Variants in NAV1 observed in about 807,000 individuals in gnomAD.
The protein encoded by NAV1 is neuron navigator 1, also known as pore membrane and/or filament interacting like protein 3.
In NAV1, 18 loss-of-function variants were observed where a neutral mutation model predicts 175.2. The ratio of observed to expected loss-of-function variants is 0.10; its 90% CI spans 0.07 to 0.15. The LOEUF is 0.15. NAV1 is among the 10% of genes least tolerant of loss of function. NAV1 has a pLI of 1.00. For missense variants in NAV1, 1,731 were observed against 2,436.6 expected (o/e 0.71, Z 6.10); for synonymous variants, 897 against 978.7 (o/e 0.92, Z 1.56).
chr1:201,580,336 C>T (rs1290586469), intron 1 of NAV1, among the ~76,000 whole-genome samples: 1 of 152,214 alleles, frequency 6.6e-6, no homozygotes, highest in Non-Finnish European at 1.5e-5. Flanking sequence ...CTAAAATTAA[C>T]AATCACAGTA....
chr1:201,617,451 G>A (rs920177008), intron 2 of NAV1, among the ~76,000 whole-genome samples: 15 of 152,122 alleles, frequency 9.9e-5, no homozygotes, highest in African/African-American at 2.9e-4. Flanking sequence ...AGCTGGGCAC[G>A]GGAGCTCATG....
At chr1:201,633,990 T>TA (rs1558028002) in intron 2 of NAV1, among the ~76,000 whole-genome samples, 1 of 152,176 alleles carries the variant, frequency 6.6e-6, no homozygotes, top group Non-Finnish European at 1.5e-5. Context: ...AGCCGACACT[T>TA]ACCGTGGCTT....
intron 3 of NAV1, among the ~76,000 whole-genome samples, chr1:201,769,071 A>T (rs1675395999): frequency 6.6e-6 from 1 of 152,204 alleles, no homozygotes; most frequent in Non-Finnish European, 1.5e-5. Flanking sequence ...ACTTGGACTG[A>T]TTCCACTTCC....
chr1:201,581,662 G>A (rs1356023754), intron 1 of NAV1, among the ~76,000 whole-genome samples: 3 of 151,796 alleles, frequency 2.0e-5, no homozygotes, highest in Non-Finnish European at 2.9e-5. Flanking sequence ...AACCCTGTCT[G>A]TACTAAAAAT....
intron 3 of NAV1, among the ~76,000 whole-genome samples, chr1:201,779,533 G>A (rs930197555): frequency 6.8e-6 from 1 of 147,106 alleles, no homozygotes; most frequent in Non-Finnish European, 1.5e-5. Flanking sequence ...GGGAGGCGGA[G>A]GTTGCAGGGA....
intron 2 of NAV1, among the ~76,000 whole-genome samples, chr1:201,607,627 G>A (rs1484620526): frequency 1.3e-5 from 2 of 151,296 alleles, no homozygotes; most frequent in Non-Finnish European, 2.9e-5. Flanking sequence ...CAGTAGCTGG[G>A]ATTAGAGGCA....
At chr1:201,665,590 A>ACCCCCCCCCCCCCC (rs3053790) in intron 1 of NAV1, among the ~76,000 whole-genome samples, 2 of 128,532 alleles carry the variant, frequency 1.6e-5, no homozygotes, top group African/African-American at 6.1e-5. Context: ...AGAGCACCCC[A>ACCCCCCCCCCCCCC]CCCCCCCCAC....
intron 2 of NAV1, among the ~76,000 whole-genome samples, chr1:201,591,590 T>A (rs899703780): frequency 6.6e-6 from 1 of 152,178 alleles, no homozygotes; most frequent in African/African-American, 2.4e-5. Flanking sequence ...TGTATGCAGA[T>A]GTATGCAAAT....
At chr1:201,572,530 G>A (rs1428815325) in intron 1 of NAV1, among the ~76,000 whole-genome samples, 11 of 151,700 alleles carry the variant, frequency 7.3e-5, no homozygotes, top group South Asian at 4.2e-4. Flanking sequence ...CACCATGCCC[G>A]GCTAATTTTT....
intron 1 of NAV1, among the ~76,000 whole-genome samples, chr1:201,545,175 C>A (rs1665631621): frequency 6.6e-6 from 1 of 151,820 alleles, no homozygotes; most frequent in Admixed American, 6.6e-5. Context: ...GTCCTAACCT[C>A]TTCCTTCTCC....
intron 1 of NAV1, among the ~76,000 whole-genome samples, chr1:201,709,581 AC>A (rs1184339450): frequency 6.6e-6 from 1 of 151,634 alleles, no homozygotes; most frequent in Non-Finnish European, 1.5e-5. Context: ...AGCCAGACTT[AC>A]CAGGGGCCCC....
intron 2 of NAV1, among the ~76,000 whole-genome samples, chr1:201,611,063 C>T (rs1032551027): frequency 6.6e-6 from 1 of 152,142 alleles, no homozygotes; most frequent in African/African-American, 2.4e-5. Context: ...GAGCCCCACC[C>T]CCTCTGCTAA....
In NAV1 at chr1:201,733,255, C is replaced by T. The variant is rs1336072135; in HGVS notation, c.1226+14500C>T. ...ATTAGCTGGGCATGGTGATGCGTGC[C>T]TGTAGTCCCAGCTACTTGGGAGGCT... On this transcript the variant is annotated intron_variant, in intron 3 of 29. Coordinates refer to ENST00000367296, the Ensembl canonical transcript of NAV1. Among the ~76,000 whole-genome samples the T allele has an allele frequency of 2.0e-5, 3 of 152,138 alleles. No individual in the cohort carries two copies. The East Asian group carries it at 5.8e-4, about 29-fold the overall frequency.
chr1:201,784,368 G>T (rs1408816856), intron 7 of NAV1, among the ~76,000 whole-genome samples: 3 of 152,078 alleles, frequency 2.0e-5, no homozygotes, highest in Admixed American at 6.5e-5. Flanking sequence ...ATGTTGGCCA[G>T]GCTGGTCTTG....
chr1:201,770,283 C>T (rs1675489612), intron 3 of NAV1, among the ~76,000 whole-genome samples: 1 of 152,356 alleles, frequency 6.6e-6, no homozygotes, highest in South Asian at 2.1e-4. Context: ...GGCCTCTCCA[C>T]AGTCCCTCTT....
chr1:201,609,301 A>C (rs1439197029), intron 2 of NAV1, among the ~76,000 whole-genome samples: 1 of 152,204 alleles, frequency 6.6e-6, no homozygotes, highest in Non-Finnish European at 1.5e-5. Flanking sequence ...ACCTCACAAC[A>C]TAGTCCCACT....
At chr1:201,689,698 C>T (rs1052965800) in intron 1 of NAV1, among the ~76,000 whole-genome samples, 14 of 152,310 alleles carry the variant, frequency 9.2e-5, no homozygotes, top group African/African-American at 2.9e-4. Flanking sequence ...CCCAAGACCA[C>T]GCTTCTGTTT....
intron 2 of NAV1, among the ~76,000 whole-genome samples, chr1:201,613,626 G>T (rs1419662790): frequency 6.6e-6 from 1 of 152,198 alleles, no homozygotes; most frequent in Non-Finnish European, 1.5e-5. Flanking sequence ...ACTTTGGGAG[G>T]CTGAGGCAGG....
intron 1 of NAV1, among the ~76,000 whole-genome samples, chr1:201,570,794 A>C (rs1217863108): frequency 6.6e-6 from 1 of 152,186 alleles, no homozygotes; most frequent in Non-Finnish European, 1.5e-5. Context: ...CTGTTCCCAG[A>C]AGTCCAGGTC....
Sources: allele counts gnomAD v4.1 joint callset (sites outside exome capture counted in the v4.1 genomes callset), GRCh38; gene constraint gnomAD v4.1.1; transcripts MANE v1.5; gene names NCBI Gene and HGNC (gene_info 2026-07-23, HGNC 2026-07-21).